The following SPOCK1 variants were observed in gnomAD, a reference collection of about 807,000 sequenced individuals.
SPOCK1 encodes the protein SPARC (osteonectin), cwcv and kazal like domains proteoglycan 1.
A neutral mutation model predicts 55.3 loss-of-function variants in SPOCK1; 23 were observed. The ratio of observed to expected loss-of-function variants is 0.42; its 90% CI spans 0.30 to 0.59. The LOEUF is 0.59. Among genes scored for constraint, SPOCK1 ranks in the 20% least tolerant of loss-of-function variants. The probability of loss-of-function intolerance (pLI) is 0.22; values close to 1 mark genes in which losing one functional copy is unlikely to be tolerated. For synonymous variants in SPOCK1, 226 were observed against 221.0 expected, an observed-to-expected ratio of 1.02 and a Z score of -0.20; for missense variants, 499 against 552.5, an observed-to-expected ratio of 0.90 and a Z score of 0.97.
At chr5:137,008,416 T>A (rs914057750) in intron 6 of SPOCK1, among the ~76,000 whole-genome samples, 10 of 151,692 alleles carry the variant, frequency 6.6e-5, no homozygotes, top group African/African-American at 2.4e-4. Flanking sequence ...CACGGCAATA[T>A]TCAAAAGAGG....
chr5:137,197,640 T>C (rs1755328598), intron 3 of SPOCK1, among the ~76,000 whole-genome samples: 1 of 152,196 alleles, frequency 6.6e-6, no homozygotes, highest in Admixed American at 6.5e-5. Flanking sequence ...TTTTTTTAAG[T>C]TTCTTTTTTT....
intron 6 of SPOCK1, among the ~76,000 whole-genome samples, chr5:137,059,949 C>T (rs1037783764): frequency 2.0e-5 from 3 of 152,150 alleles, no homozygotes; most frequent in Non-Finnish European, 4.4e-5. Flanking sequence ...CAAAAAATAA[C>T]AGATGCTGGC....
At chr5:137,341,943 TTTCTC>T (rs1390175145) in intron 2 of SPOCK1, among the ~76,000 whole-genome samples, 4 of 152,238 alleles carry the variant, frequency 2.6e-5, no homozygotes, top group Non-Finnish European at 5.9e-5. Context: ...GGCAAACTGT[TTTCTC>T]TACTGCAGGA....
chr5:137,026,920 G>A (rs1185665906), intron 6 of SPOCK1, among the ~76,000 whole-genome samples: 3 of 152,158 alleles, frequency 2.0e-5, no homozygotes, highest in Non-Finnish European at 2.9e-5. Context: ...CCTGTGTCAG[G>A]TGCTGGTGAA....
At chr5:137,354,674 A>G (rs190430084) in intron 2 of SPOCK1, among the ~76,000 whole-genome samples, 2 of 152,298 alleles carry the variant, frequency 1.3e-5, no homozygotes, top group Non-Finnish European at 2.9e-5. Context: ...CCGGCCATCA[A>G]CTGCAGGTGT....
intron 6 of SPOCK1, among the ~76,000 whole-genome samples, chr5:137,028,648 C>T (rs1287309696): frequency 3.9e-5 from 6 of 152,080 alleles, no homozygotes; most frequent in Admixed American, 3.9e-4. Context: ...TACCTACCTA[C>T]TCTAGGACTC....
intron 9 of SPOCK1, 34 bp from the exon 10 acceptor site, chr5:136,979,503 A>G: frequency 6.6e-7 from 1 of 1,512,584 alleles, no homozygotes; most frequent in Non-Finnish European, 8.9e-7. Context: ...TTAATCAGAG[A>G]CATGCAGATG....
In SPOCK1 at chr5:136,978,754, T is replaced by G. The variant is rs1561568713; in HGVS notation, c.1220A>C (p.Lys407Thr). 3.1e-6 allele frequency: 5 copies of G among 1,614,102 alleles called. No individual in the cohort carries two copies. The highest frequency in any genetic ancestry group is 4.2e-6 in the Non-Finnish European group (5 of 1,180,018). ...CACCCTCAGCTTCCCCTCTTTGTCC[T>G]TTGGTCCCAGCTCCCGTTCATATTC... is the stretch of plus-strand genomic sequence containing the variant. ...DLEYERELGP[K>T]DKEGKLRVHT... The change falls in exon 11 of 11, where the codon AAG becomes ACG. Residue 407 changes from lysine (K) to threonine (T), a missense_variant. Transcript: ENST00000394945.
chr5:137,212,652 T>C (rs940864619), intron 3 of SPOCK1, among the ~76,000 whole-genome samples: 1 of 152,212 alleles, frequency 6.6e-6, no homozygotes, highest in Admixed American at 6.5e-5. Context: ...GTTACTTTTT[T>C]AGTCCATGAC....
intron 3 of SPOCK1, among the ~76,000 whole-genome samples, chr5:137,212,278 ATTGAGTGTG>A (rs963556739): frequency 8.5e-5 from 13 of 152,082 alleles, no homozygotes; most frequent in African/African-American, 4.8e-5. Context: ...GTTATTCTGT[ATTGAGTGTG>A]TTGAGTGTGT....
chr5:137,447,534 T>C (rs146368730), intron 2 of SPOCK1, among the ~76,000 whole-genome samples: 44 of 152,298 alleles, frequency 2.9e-4, no homozygotes, highest in African/African-American at 9.4e-4. Context: ...ATCGGTATTA[T>C]ATTACACTCA....
At chr5:137,132,583 G>A (rs1753906090) in intron 4 of SPOCK1, among the ~76,000 whole-genome samples, 1 of 152,128 alleles carries the variant, frequency 6.6e-6, no homozygotes, top group Non-Finnish European at 1.5e-5. Context: ...GAAATCGGAG[G>A]GCATTGCTAA....
intron 3 of SPOCK1, among the ~76,000 whole-genome samples, chr5:137,231,259 G>A (rs1478126559): frequency 6.6e-6 from 1 of 152,130 alleles, no homozygotes; most frequent in African/African-American, 2.4e-5. Flanking sequence ...TGGCCAGGCT[G>A]GTCTCGAACT....
chr5:137,127,756 T>C (rs1753804161), intron 4 of SPOCK1, among the ~76,000 whole-genome samples: 1 of 152,250 alleles, frequency 6.6e-6, no homozygotes, highest in Non-Finnish European at 1.5e-5. Context: ...ACATAACATG[T>C]TGGTTTCACA....
intron 3 of SPOCK1, among the ~76,000 whole-genome samples, chr5:137,195,032 G>A (rs529071026): frequency 1.5e-4 from 23 of 152,246 alleles, no homozygotes; most frequent in Admixed American, 4.6e-4. Context: ...ACGTGAGTGA[G>A]GGAGAAAGAC....
chr5:137,317,600 C>G (rs534084320), intron 2 of SPOCK1, among the ~76,000 whole-genome samples: 1 of 152,174 alleles, frequency 6.6e-6, no homozygotes, highest in Non-Finnish European at 1.5e-5. Context: ...CTTGGACACA[C>G]GTTTCAGGAA....
chr5:137,440,441 G>C (rs941979126), intron 2 of SPOCK1, among the ~76,000 whole-genome samples: 1 of 152,162 alleles, frequency 6.6e-6, no homozygotes, highest in Non-Finnish European at 1.5e-5. Context: ...GTTCATTAAA[G>C]AGCAAAGCCA....
chr5:137,241,664 C>A (rs1756284409), intron 3 of SPOCK1, among the ~76,000 whole-genome samples: 1 of 149,516 alleles, frequency 6.7e-6, no homozygotes, highest in Admixed American at 6.6e-5. Flanking sequence ...CTCTGTCACC[C>A]CTTTTGCCCT....
chr5:137,394,118 G>A (rs893721179), intron 2 of SPOCK1, among the ~76,000 whole-genome samples: 7 of 152,174 alleles, frequency 4.6e-5, no homozygotes, highest in African/African-American at 1.7e-4. Context: ...AATCCTTGGT[G>A]TGCATTGTCA....
Sources: gnomAD v4.1 joint callset for allele counts (sites outside exome capture counted in the v4.1 genomes callset) on GRCh38, gnomAD v4.1.1 for gene constraint, MANE v1.5 for transcripts, NCBI Gene and HGNC (gene_info 2026-07-23, HGNC 2026-07-21) for gene names.